The following TMEM144 variants were observed in gnomAD, a reference collection of about 807,000 sequenced individuals.
TMEM144 encodes transmembrane protein 144.
A neutral mutation model predicts 43.6 loss-of-function variants in TMEM144; 39 were observed. That is an observed-to-expected ratio of 0.90 (90% CI 0.69 to 1.17). The LOEUF (loss-of-function observed/expected upper bound fraction) is 1.17. Among genes scored for constraint, TMEM144 ranks in the 50% most tolerant of loss-of-function variants. The pLI, the probability that TMEM144 is intolerant of heterozygous loss-of-function variation, is 0.00. For missense variants in TMEM144, 417 were observed against 411.9 expected (o/e 1.01, Z -0.11); for synonymous variants, 154 against 133.6 (o/e 1.15, Z -1.06).
At chr4:158,211,715 T>G (rs1733968951) in intron 2 of TMEM144, 141 bp downstream of exon 2, 1 of 152,256 alleles carries the variant, frequency 6.6e-6, no homozygotes, top group Admixed American at 6.5e-5. Context: ...GGATGTTTTC[T>G]TAATAGCAAT....
chr4:158,231,603 T>A lies in TMEM144; in HGVS notation c.414-1298T>A, dbSNP rs192110998. ...ACTGGCCCAAGGGGAAGTTTTTTTTTAAACCACATTCAACACTTCAACTCT... is the reference window on the plus strand; with the variant it reads ...ACTGGCCCAAGGGGAAGTTTTTTTTAAAACCACATTCAACACTTCAACTCT... On this transcript the variant is annotated intron_variant, in intron 6 of 12. Coordinates refer to ENST00000296529, the MANE Select transcript of TMEM144 (RefSeq NM_018342.5). Among the ~76,000 whole-genome samples the A allele has an allele frequency of 3.1e-3, 471 of 152,282 alleles. 4 individuals are homozygous for A. The highest frequency in any genetic ancestry group is 2.7e-3 in the Non-Finnish European group (185 of 68,026).
rs777531978 is a variant in TMEM144, at chr4:158,239,420, G to A, written c.683-879G>A. On this transcript the variant is annotated intron_variant, in intron 9 of 12. Transcript: ENST00000296529. ...CAGTCAGTGGAGTTGGGATTTTTCC[G>A]AGATTGGGCCACCATGATGTGATAT... Among the ~76,000 whole-genome samples, 22 of 152,132 alleles carry A rather than the reference G, an allele frequency of 1.4e-4. 1 individual carries two copies. Among genetic ancestry groups the A allele is most frequent in the African/African-American group, 5.1e-4 (21 of 41,418 alleles).
intron 3 of TMEM144, chr4:158,213,456 C>A (rs1001367437): frequency 6.6e-6 from 1 of 152,228 alleles, no homozygotes; most frequent in Non-Finnish European, 1.5e-5. Flanking sequence ...AACCAGTTAA[C>A]CAGTTAAAAC....
chr4:158,236,432 T>C (rs546822625), intron 8 of TMEM144, among the ~76,000 whole-genome samples: 5 of 152,272 alleles, frequency 3.3e-5, no homozygotes, highest in South Asian at 2.1e-4. Flanking sequence ...AATATGTTAG[T>C]TGTCTTGTAA....
chr4:158,239,190 A>G (rs1735503289), intron 9 of TMEM144, among the ~76,000 whole-genome samples: 1 of 152,198 alleles, frequency 6.6e-6, no homozygotes. Flanking sequence ...TGGTCCATAT[A>G]TAGATGTATT....
At position 158,253,835 on chromosome 4, in the gene TMEM144, G is replaced by A; in HGVS notation, c.*308G>A. On this transcript the variant is annotated 3_prime_UTR_variant, in exon 13 of 13. Coordinates refer to ENST00000296529, the MANE Select transcript of TMEM144 (RefSeq NM_018342.5). ...CTCTTTTTACCACAGTATGTACCTA[G>A]TGTTGCATAATCTAGAACACAGTAT... 1 of 322,302 alleles carries A rather than the reference G, an allele frequency of 3.1e-6. No homozygotes were observed. The allele number at this position is 322,302 out of a possible 1,614,324, so 20.0% of individuals were successfully genotyped here.
At chr4:158,239,596 A>G (rs928935578) in intron 9 of TMEM144, among the ~76,000 whole-genome samples, 1 of 152,084 alleles carries the variant, frequency 6.6e-6, no homozygotes, top group Admixed American at 6.6e-5. Context: ...TAGCACCCCC[A>G]ATTTTTTTCA....
In TMEM144 at chr4:158,253,342, G is replaced by T. The variant is rs926653522; in HGVS notation, c.955-102G>T. ...GGGGTAGCAAAAAAGGGTACAGGCG[G>T]CTAGAGCAGATGGTTAGGTCCCTAG... On this transcript the variant is annotated intron_variant, in intron 12 of 12. Transcript: ENST00000296529. 1.9e-5 allele frequency: 18 copies of T among 961,304 alleles called. No individual in the cohort carries two copies. In the South Asian group the frequency reaches 2.8e-4, roughly 15 times the overall value. 59.5% of individuals were successfully genotyped at this position (961,304 alleles called of 1,614,324 possible).
chr4:158,218,298 A>G (rs1734335422), intron 5 of TMEM144, among the ~76,000 whole-genome samples: 1 of 152,124 alleles, frequency 6.6e-6, no homozygotes, highest in African/African-American at 2.4e-5. Context: ...GTTCTATCAG[A>G]CTGGTGCCCT....
At chr4:158,238,690 A>G (rs1735479856) in intron 9 of TMEM144, among the ~76,000 whole-genome samples, 1 of 152,348 alleles carries the variant, frequency 6.6e-6, no homozygotes, top group African/African-American at 2.4e-5. Context: ...AGGAGGCATA[A>G]ATTTGGCTCT....
At chr4:158,212,109 A>G (rs1425833633) in intron 2 of TMEM144, 1 of 152,230 alleles carries the variant, frequency 6.6e-6, no homozygotes, top group East Asian at 1.9e-4. Context: ...CCAAGATGGC[A>G]TTGTGGAAAG....
At chr4:158,229,775 C>T (rs1485440912) in intron 6 of TMEM144, among the ~76,000 whole-genome samples, 3 of 152,188 alleles carry the variant, frequency 2.0e-5, no homozygotes, top group Non-Finnish European at 1.5e-5. Flanking sequence ...GCTCTGGCCA[C>T]ATTCTGCCAC....
intron 12 of TMEM144, among the ~76,000 whole-genome samples, chr4:158,249,935 TAAA>T: frequency 6.9e-6 from 1 of 144,614 alleles, no homozygotes; most frequent in Non-Finnish European, 1.5e-5. Context: ...TGTGTGTGTT[TAAA>T]TAAGCTGTTC....
At chr4:158,217,550 C>T (rs1014029810) in intron 5 of TMEM144, 130 bp downstream of exon 5, 2 of 613,302 alleles carry the variant, frequency 3.3e-6, no homozygotes, top group South Asian at 2.3e-5. Flanking sequence ...ACATACACAT[C>T]ATATATGCCA....
At chr4:158,221,891 C>A (rs1734526187) in intron 6 of TMEM144, among the ~76,000 whole-genome samples, 1 of 152,186 alleles carries the variant, frequency 6.6e-6, no homozygotes, top group African/African-American at 2.4e-5. Context: ...TTTGCCAACA[C>A]TAAACCATTT....
chr4:158,218,730 T>A (rs543942330), intron 5 of TMEM144, among the ~76,000 whole-genome samples: 9 of 152,204 alleles, frequency 5.9e-5, no homozygotes, highest in Non-Finnish European at 2.9e-5. Context: ...TTCCTACTTC[T>A]TTTTTAGTCT....
chr4:158,217,313 A>C lies in TMEM144; in HGVS notation c.233-8A>C. 1 of 1,581,664 alleles carries C rather than the reference A, an allele frequency of 6.3e-7. No homozygotes were observed. The highest frequency in any genetic ancestry group is 8.7e-7 in the Non-Finnish European group (1 of 1,152,034). ...ATAACATGTTTCTTCTGTATATTAC[A>C]TCTACAGGGAACATTGCTGTTGTCC... On this transcript the variant is annotated splice_region_variant and splice_polypyrimidine_tract_variant and intron_variant, in intron 4 of 12. Transcript: ENST00000296529.
rs112800940 is a variant in TMEM144 at position 158,250,967 on chromosome 4, A to C, written c.955-2477A>C. 5.6e-3 allele frequency among the ~76,000 whole-genome samples: 852 copies of C among 152,250 alleles called. 11 individuals carry two copies. Among genetic ancestry groups the C allele is most frequent in the African/African-American group, 0.02 (817 of 41,534 alleles). On this transcript the variant is annotated intron_variant, in intron 12 of 12. Coordinates refer to ENST00000296529, the MANE Select transcript of TMEM144 (RefSeq NM_018342.5). Reference sequence around the variant, plus strand: ...CCAGAATTTTCACCAGAGAGGGAGGACACCAGCCCTATTCCCTACAGATTT... The same window carrying C: ...CCAGAATTTTCACCAGAGAGGGAGGCCACCAGCCCTATTCCCTACAGATTT...
intron 6 of TMEM144, among the ~76,000 whole-genome samples, chr4:158,231,319 G>C (rs79471506): frequency 0.013 from 1,995 of 152,232 alleles, 20 homozygotes; most frequent in Non-Finnish European, 0.021. Flanking sequence ...AAGGTGAGTG[G>C]AAGCCATCAA....
Sources: allele counts gnomAD v4.1 joint callset (sites outside exome capture counted in the v4.1 genomes callset), GRCh38; gene constraint gnomAD v4.1.1; transcripts MANE v1.5; gene names NCBI Gene and HGNC (gene_info 2026-07-23, HGNC 2026-07-21).